Variants in RGS9 observed in about 807,000 individuals in gnomAD.
RGS9 encodes the protein regulator of G protein signaling 9, also known as regulator of G-protein signalling 9.
A neutral mutation model predicts 102.0 loss-of-function variants in RGS9; 78 were observed. The ratio of observed to expected loss-of-function variants is 0.76; its 90% CI spans 0.64 to 0.92. The LOEUF (loss-of-function observed/expected upper bound fraction) is 0.92. Among genes scored for constraint, RGS9 ranks in the 40% least tolerant of loss-of-function variants. The pLI, the probability that RGS9 is intolerant of heterozygous loss-of-function variation, is 0.00. For missense variants in RGS9, 833 were observed against 866.1 expected (o/e 0.96, Z 0.48); for synonymous variants, 353 against 318.6 (o/e 1.11, Z -1.15).
chr17:65,220,940 T>C (rs1481729602), intron 17 of RGS9, among the ~76,000 whole-genome samples: 1 of 152,222 alleles, frequency 6.6e-6, no homozygotes, highest in Non-Finnish European at 1.5e-5. Flanking sequence ...TTCTTTGCCA[T>C]GTGTCATGCA....
chr17:65,215,841 G>A (rs1913507667), intron 17 of RGS9, among the ~76,000 whole-genome samples: 1 of 152,148 alleles, frequency 6.6e-6, no homozygotes, highest in Admixed American at 6.5e-5. Context: ...GATTACAGGT[G>A]TGAGCCACTG....
Position 65,207,901 on chromosome 17 carries a change from T to C in RGS9, c.1204-21T>C. On this transcript the variant is annotated intron_variant, in intron 15 of 18. Transcript: ENST00000262406. ...CTGCTTTTTTCTCTCATAATTACTG[T>C]TGTTTTCTTGTTCCCACTAGGATTC... The C allele has an allele frequency of 3.8e-6, 6 of 1,562,036 alleles. No individual in the cohort carries two copies. The Middle Eastern group carries it at 5.0e-4, about 131-fold the overall frequency.
chr17:65,218,233 T>C (rs1386005170), intron 17 of RGS9, among the ~76,000 whole-genome samples: 2 of 152,210 alleles, frequency 1.3e-5, no homozygotes, highest in Non-Finnish European at 2.9e-5. Context: ...CCCAGCAACT[T>C]TGTCAATGGG....
chr17:65,208,529 G>A (rs1913158673), intron 16 of RGS9, among the ~76,000 whole-genome samples: 1 of 152,172 alleles, frequency 6.6e-6, no homozygotes, highest in Non-Finnish European at 1.5e-5. Context: ...TTTCTCATTG[G>A]AGATGTGGAT....
intron 8 of RGS9, among the ~76,000 whole-genome samples, chr17:65,169,933 C>A (rs147540722): frequency 0.019 from 2,918 of 152,116 alleles, 113 homozygotes; most frequent in African/African-American, 0.066. Context: ...CTTTCTCCAC[C>A]ACCTCCACCA....
chr17:65,152,698 T>C (rs1032851909), intron 1 of RGS9, among the ~76,000 whole-genome samples: 14 of 152,126 alleles, frequency 9.2e-5, no homozygotes, highest in African/African-American at 3.4e-4. Context: ...GCCCAGATAA[T>C]TTTTAAGTTT....
chr17:65,224,883 A>G, intron 17 of RGS9, 119 bp from the exon 18 acceptor site: 2 of 1,377,654 alleles, frequency 1.5e-6, no homozygotes, highest in South Asian at 1.2e-5. Context: ...GGAGGCAGCC[A>G]TATCAGGCCC....
chr17:65,147,542 C>G (rs187324295), intron 1 of RGS9, among the ~76,000 whole-genome samples: 24 of 151,150 alleles, frequency 1.6e-4, no homozygotes, highest in Admixed American at 5.3e-4. Context: ...TTGAATGACC[C>G]GTCACCTTGA....
intron 9 of RGS9, among the ~76,000 whole-genome samples, chr17:65,178,106 A>T (rs1911717323): frequency 6.6e-6 from 1 of 152,158 alleles, no homozygotes; most frequent in South Asian, 2.1e-4. Context: ...CGAAAATCTG[A>T]TGAAAGTTAT....
At position 65,160,914 on chromosome 17, in the gene RGS9, G is replaced by A; in HGVS notation, c.423+5G>A. ...ATTTTGGAAGAATATGAAAAGGTAT[G>A]GAGGTGCTTTTAAGTAGAGGTTGTT... On this transcript the variant is annotated splice_donor_5th_base_variant and intron_variant, in intron 6 of 18. Coordinates refer to ENST00000262406, the MANE Select transcript of RGS9 (RefSeq NM_003835.4). 6.2e-7 allele frequency: 1 copy of A among 1,610,936 alleles called. No homozygotes were observed. Among genetic ancestry groups the A allele is most frequent in the Non-Finnish European group, 8.5e-7 (1 of 1,176,984 alleles).
At chr17:65,208,239 G>A (rs1259602604) in intron 16 of RGS9, among the ~76,000 whole-genome samples, 1 of 152,162 alleles carries the variant, frequency 6.6e-6, no homozygotes, top group African/African-American at 2.4e-5. Flanking sequence ...CCTAAAGCTG[G>A]CTTGAAAGAG....
chr17:65,148,972 TG>T (rs1910473734), intron 1 of RGS9, among the ~76,000 whole-genome samples: 1 of 152,214 alleles, frequency 6.6e-6, no homozygotes, highest in African/African-American at 2.4e-5. Flanking sequence ...TGTTTTGTTT[TG>T]TTTTTTGAGG....
intron 1 of RGS9, among the ~76,000 whole-genome samples, chr17:65,152,140 C>T (rs925603955): frequency 1.3e-5 from 2 of 152,158 alleles, no homozygotes; most frequent in African/African-American, 2.4e-5. Flanking sequence ...TCAGGGTGGG[C>T]CTCCTGAGAC....
At chr17:65,204,360 C>T (rs562027830) in intron 15 of RGS9, 59 bp downstream of exon 15, 787 of 1,590,070 alleles carry the variant, frequency 4.9e-4, no homozygotes, top group Non-Finnish European at 5.7e-4. Flanking sequence ...ACTAAGTACC[C>T]GGAAAATTCT....
intron 1 of RGS9, among the ~76,000 whole-genome samples, chr17:65,152,975 G>T (rs184091468): frequency 6.6e-6 from 1 of 152,300 alleles, no homozygotes; most frequent in Non-Finnish European, 1.5e-5. Context: ...ACAGTCACTG[G>T]AATAAAATCC....
In RGS9 at chr17:65,204,232, G is replaced by A. The variant is rs1199856726; in HGVS notation, c.1134G>A (p.Lys378=). The A allele has an allele frequency of 6.2e-7, 1 of 1,613,540 alleles. No homozygotes were observed. The highest frequency in any genetic ancestry group is 1.1e-5 in the South Asian group (1 of 91,032). The part of the protein sequence containing the change: ...IDGKTMDITV[K]GLKHPHRYVL... ...GCAAAACCATGGACATCACAGTGAA[G>A]GGGCTGAAGCACCCCCACCGCTATG... The change falls in exon 15 of 19, where the codon AAG becomes AAA. Residue 378 remains lysine, a synonymous_variant. Coordinates refer to ENST00000262406, the MANE Select transcript of RGS9 (RefSeq NM_003835.4).
At chr17:65,170,300 G>C (rs1182602090) in intron 8 of RGS9, among the ~76,000 whole-genome samples, 1 of 152,054 alleles carries the variant, frequency 6.6e-6, no homozygotes, top group Non-Finnish European at 1.5e-5. Context: ...TGATCTGCCT[G>C]CCTCGGCCTC....
chr17:65,225,233 G>T lies in RGS9; in HGVS notation c.1639G>T (p.Ala547Ser). The stretch of plus-strand genomic sequence containing the variant: ...GAAAGGGGAGTGCAGCGGGTCCATG[G>T]CCCCCCGTGGGCCCTCTGTCACCGA... ...EQKGECSGSM[A>S]PRGPSVTESS... The change falls in exon 18 of 19, where the codon GCC becomes TCC. Residue 547 changes from alanine (A) to serine (S), a missense_variant. Ala to Ser is a moderately conservative substitution (Grantham distance 99). Transcript: ENST00000262406. The T allele has an allele frequency of 6.2e-7, 1 of 1,611,062 alleles. No individual in the cohort carries two copies. Among genetic ancestry groups the T allele is most frequent in the Non-Finnish European group, 8.5e-7 (1 of 1,179,958 alleles).
chr17:65,214,582 TG>T (rs1913419716), intron 17 of RGS9, among the ~76,000 whole-genome samples: 1 of 152,182 alleles, frequency 6.6e-6, no homozygotes, highest in South Asian at 2.1e-4. Flanking sequence ...GATTGGGAAG[TG>T]GGCACTGCAG....
Sources: allele counts gnomAD v4.1 joint callset (sites outside exome capture counted in the v4.1 genomes callset), GRCh38; gene constraint gnomAD v4.1.1; transcripts MANE v1.5; gene names NCBI Gene and HGNC (gene_info 2026-07-23, HGNC 2026-07-21).